Variants in AKAP11 observed in about 807,000 individuals in gnomAD.
The protein encoded by AKAP11 is A-kinase anchor protein 11.
A neutral mutation model predicts 146.1 loss-of-function variants in AKAP11; 36 were observed. That is an observed-to-expected ratio of 0.25 (90% CI 0.19 to 0.33). The LOEUF is 0.33. Among genes scored for constraint, AKAP11 ranks in the 10% least tolerant of loss-of-function variants. The probability of loss-of-function intolerance (pLI) is 1.00; values close to 1 mark genes in which losing one functional copy is unlikely to be tolerated. For missense variants in AKAP11, 2,201 were observed against 2,197.0 expected (o/e 1.00, Z -0.04); for synonymous variants, 780 against 786.5 (o/e 0.99, Z 0.14).
intron 7 of AKAP11, among the ~76,000 whole-genome samples, chr13:42,299,137 A>G (rs1594329356): frequency 6.6e-6 from 1 of 152,174 alleles, no homozygotes; most frequent in African/African-American, 2.4e-5. Flanking sequence ...ACAGCATGCA[A>G]AACATCCCAT....
At chr13:42,311,060 T>A (rs964978585) in intron 9 of AKAP11, among the ~76,000 whole-genome samples, 1 of 152,172 alleles carries the variant, frequency 6.6e-6, no homozygotes, top group African/African-American at 2.4e-5. Flanking sequence ...TTTGTTATTC[T>A]CTTAGGAATT....
chr13:42,308,704 G>T, intron 9 of AKAP11, 95 bp downstream of exon 9: 1 of 954,100 alleles, frequency 1.0e-6, no homozygotes. Flanking sequence ...TTCTAAATTT[G>T]AAAATATGCT....
chr13:42,281,572 T>C (rs1959059564), intron 1 of AKAP11, among the ~76,000 whole-genome samples: 1 of 152,214 alleles, frequency 6.6e-6, no homozygotes, highest in Admixed American at 6.5e-5. Context: ...GGAGAATATA[T>C]ATTTTTTAAT....
In AKAP11 at chr13:42,300,256, C is replaced by T; in HGVS notation, c.1510C>T (p.Leu504Phe). ...SISCEVLGSV[L>F]RTHHTNTLSN... Reference sequence around the variant, plus strand: ...TTCATGTGAAGTACTAGGCTCAGTTCTTCGTACCCACCATACTAATACCCT... The same window carrying T: ...TTCATGTGAAGTACTAGGCTCAGTTTTTCGTACCCACCATACTAATACCCT... The change falls in exon 8 of 13, where the codon CTT becomes TTT. Residue 504 changes from leucine (L) to phenylalanine (F), a missense_variant. Around this residue, in one of 3 missense-constraint regions of AKAP11, gnomAD observed 1,867 missense variants for 1,833.5 expected, o/e 1.02. Transcript: ENST00000025301. 1 of 1,613,864 alleles carries T rather than the reference C, an allele frequency of 6.2e-7. No homozygotes were observed. Among genetic ancestry groups the T allele is most frequent in the African/African-American group, 1.3e-5 (1 of 74,998 alleles).
At chr13:42,310,113 T>C (rs1960479228) in intron 9 of AKAP11, among the ~76,000 whole-genome samples, 1 of 152,172 alleles carries the variant, frequency 6.6e-6, no homozygotes, top group Non-Finnish European at 1.5e-5. Flanking sequence ...TTAAAATAAT[T>C]ATGTTTAACA....
chr13:42,299,652 T>A lies in AKAP11; in HGVS notation c.906T>A (p.Ser302=), dbSNP rs896795588. The A allele has an allele frequency of 1.9e-6, 3 of 1,613,704 alleles. No homozygotes were observed. In the African/African-American group the frequency reaches 4.0e-5, roughly 22 times the overall value. Residue 302 remains serine (S), a synonymous_variant, in exon 8 of 13, where the codon TCT becomes TCA. Coordinates refer to ENST00000025301, the MANE Select transcript of AKAP11 (RefSeq NM_016248.4). ...SDLQKTFFSS[S]PAYSSESECS... is the part of the protein sequence containing the mutation. Reference sequence around the variant, plus strand: ...TACAGAAAACATTTTTTTCGTCTTCTCCTGCCTACTCATCTGAATCAGAAT... The same window carrying A: ...TACAGAAAACATTTTTTTCGTCTTCACCTGCCTACTCATCTGAATCAGAAT...
In AKAP11 at chr13:42,301,147, G is replaced by A; in HGVS notation, c.2401G>A (p.Ala801Thr). 6.2e-7 allele frequency: 1 copy of A among 1,614,008 alleles called. No individual in the cohort carries two copies. The highest frequency in any genetic ancestry group is 8.5e-7 in the Non-Finnish European group (1 of 1,179,950). ...TCATATTTCATCTACTGCATGTCAG[G>A]CCAAGGCTCATCTGTCATCTGATGA... ...PYHISSTACQ[A>T]KAHLSSDDSN... Residue 801 changes from alanine to threonine, a missense_variant, in exon 8 of 13, where the codon GCC becomes ACC. Ala to Thr is a moderately conservative substitution (Grantham distance 58). Coordinates refer to ENST00000025301, the MANE Select transcript of AKAP11 (RefSeq NM_016248.4).
intron 9 of AKAP11, among the ~76,000 whole-genome samples, chr13:42,308,821 G>A (rs755900676): frequency 6.6e-6 from 1 of 152,120 alleles, no homozygotes; most frequent in African/African-American, 2.4e-5. Flanking sequence ...TGTGCCAATA[G>A]TTGATTTGAA....
At chr13:42,287,957 C>A (rs895246922) in intron 3 of AKAP11, among the ~76,000 whole-genome samples, 2 of 152,116 alleles carry the variant, frequency 1.3e-5, no homozygotes, top group African/African-American at 2.4e-5. Flanking sequence ...TGTTATTCAA[C>A]GTATTGTCCA....
chr13:42,315,941 C>T (rs1405482441), intron 11 of AKAP11, among the ~76,000 whole-genome samples: 1 of 152,068 alleles, frequency 6.6e-6, no homozygotes, highest in Non-Finnish European at 1.5e-5. Flanking sequence ...AAGAGAGAGC[C>T]GTTTGGAGGT....
In AKAP11 at chr13:42,279,044, CT is replaced by C. The variant is rs577137922; in HGVS notation, c.-100+6823del. On this transcript the variant is annotated intron_variant, in intron 1 of 12. Transcript: ENST00000025301. ...TTGGTTCCTCTGTATATAATGTGTA[CT>C]TTTTTTCTGGTCAATTAATATTTTT... is the stretch of plus-strand genomic sequence containing the variant. Among the ~76,000 whole-genome samples the C allele has an allele frequency of 3.1e-4, 47 of 151,530 alleles. No homozygotes were observed. In the South Asian group the frequency reaches 8.1e-3, roughly 26 times the overall value.
At position 42,292,465 on chromosome 13, in the gene AKAP11, C is replaced by G; in HGVS notation, c.132C>G (p.Asp44Glu). Residue 44 changes from aspartate to glutamate, a missense_variant, in exon 4 of 13, where the codon GAC becomes GAG. Around this residue, in one of 3 missense-constraint regions of AKAP11, gnomAD observed 331 missense variants for 347.4 expected, o/e 0.95. Transcript: ENST00000025301. ...AACTATGCAGTGTAACAGCAGAGGACTGTTTACAGCAGGATGAGCATGCCA... is the reference window on the plus strand; with the variant it reads ...AACTATGCAGTGTAACAGCAGAGGAGTGTTTACAGCAGGATGAGCATGCCA... ...QKELCSVTAE[D>E]CLQQDEHANL... The G allele has an allele frequency of 6.3e-7, 1 of 1,581,042 alleles. No homozygotes were observed. The highest frequency in any genetic ancestry group is 1.3e-5 in the African/African-American group (1 of 74,740).
intron 1 of AKAP11, among the ~76,000 whole-genome samples, chr13:42,280,042 G>C (rs1959026801): frequency 6.6e-6 from 1 of 152,072 alleles, no homozygotes; most frequent in Non-Finnish European, 1.5e-5. Context: ...TTTATCTCTA[G>C]GGCTCTCACT....
chr13:42,301,683 G>C lies in AKAP11; in HGVS notation c.2937G>C (p.Gln979His). The C allele has an allele frequency of 6.2e-7, 1 of 1,614,150 alleles. No individual in the cohort carries two copies. ...TGCCTGTTTCTGGAGAAGAATCACAGTTGACACCAGAAAAGTCTCCCAAAT... is the reference window on the plus strand; with the variant it reads ...TGCCTGTTTCTGGAGAAGAATCACACTTGACACCAGAAAAGTCTCCCAAAT... ...ESLPVSGEESQLTPEKSPKFP... is the reference protein window; with the variant it reads ...ESLPVSGEESHLTPEKSPKFP... Residue 979 changes from glutamine (Q) to histidine (H), a missense_variant, in exon 8 of 13, where the codon CAG becomes CAC. Physicochemically the swap from Gln to His is conservative, Grantham distance 24. This residue lies in a region of AKAP11 where 1,867 missense variants were observed against 1,833.5 expected (regional missense o/e 1.02). Coordinates refer to ENST00000025301, the MANE Select transcript of AKAP11 (RefSeq NM_016248.4).
intron 12 of AKAP11, 70 bp downstream of exon 12, chr13:42,317,758 C>T: frequency 6.6e-7 from 1 of 1,505,208 alleles, no homozygotes; most frequent in Non-Finnish European, 9.0e-7. Context: ...TGTGATTGGT[C>T]TAACAAGATG....
chr13:42,273,862 T>G (rs940445524), intron 1 of AKAP11, among the ~76,000 whole-genome samples: 1 of 152,232 alleles, frequency 6.6e-6, no homozygotes, highest in Non-Finnish European at 1.5e-5. Flanking sequence ...GGACAATATA[T>G]TAAAGGCCGT....
intron 6 of AKAP11, among the ~76,000 whole-genome samples, chr13:42,298,026 C>G (rs772574469): frequency 1.3e-5 from 2 of 151,806 alleles, no homozygotes; most frequent in South Asian, 2.1e-4. Context: ...ATTTTTAAAG[C>G]TATAAACATT....
At position 42,302,515 on chromosome 13, in the gene AKAP11, T is replaced by A; in HGVS notation, c.3769T>A (p.Cys1257Ser). Residue 1257 changes from cysteine (C) to serine (S), a missense_variant, in exon 8 of 13, where the codon TGC becomes AGC. Cys to Ser is a moderately radical substitution (Grantham distance 112). This residue lies in a region of AKAP11 where 1,867 missense variants were observed against 1,833.5 expected (regional missense o/e 1.02). Coordinates refer to ENST00000025301, the MANE Select transcript of AKAP11 (RefSeq NM_016248.4). ...NPSDENLKTL[C>S]NFAGDLAAEV... ...CTCAGACGAAAATTTGAAAACATTATGCAATTTTGCGGGTGATCTGGCAGC... is the reference window on the plus strand; with the variant it reads ...CTCAGACGAAAATTTGAAAACATTAAGCAATTTTGCGGGTGATCTGGCAGC... 1 of 1,613,986 alleles carries A rather than the reference T, an allele frequency of 6.2e-7. No homozygotes were observed. The highest frequency in any genetic ancestry group is 8.5e-7 in the Non-Finnish European group (1 of 1,179,948).
At chr13:42,287,636 A>C (rs400288) in intron 3 of AKAP11, among the ~76,000 whole-genome samples, 29,993 of 152,102 alleles carry the variant, frequency 0.2, 3,320 homozygotes, top group Non-Finnish European at 0.24. Flanking sequence ...ATTACCTTTA[A>C]ATTTAATAGG....
Sources: allele counts gnomAD v4.1 joint callset (sites outside exome capture counted in the v4.1 genomes callset), GRCh38; gene constraint gnomAD v4.1.1; regional missense constraint gnomAD v4.1.1; transcripts MANE v1.5; gene names NCBI Gene and HGNC (gene_info 2026-07-23, HGNC 2026-07-21).